ZNF217: variants seen among roughly 807,000 people sequenced by gnomAD.
The protein encoded by ZNF217 is zinc finger protein 217.
A neutral mutation model predicts 73.3 loss-of-function variants in ZNF217; 12 were observed. That is an observed-to-expected ratio of 0.16 (90% confidence interval 0.10 to 0.27). The LOEUF (loss-of-function observed/expected upper bound fraction) is 0.27, where lower values mean the gene tolerates loss of function less well. Ranked by LOEUF, ZNF217 falls within the 10% of genes least tolerant of loss-of-function variation. ZNF217 has a pLI of 1.00. For missense variants in ZNF217, 1,195 were observed against 1,327.8 expected, an observed-to-expected ratio of 0.90 and a Z score of 1.55; for synonymous variants, 588 against 516.4, an observed-to-expected ratio of 1.14 and a Z score of -1.88.
At chr20:53,596,109 C>G (rs1274534582), upstream of ZNF217, among the ~76,000 whole-genome samples, 1 of 152,084 alleles carries the variant, frequency 6.6e-6, no homozygotes, top group African/African-American at 2.4e-5. Context: ...ATTCCTGGCT[C>G]TCAGACCTTG....
At chr20:53,580,578 C>T (rs1004381500) in intron 2 of ZNF217, among the ~76,000 whole-genome samples, 1 of 152,180 alleles carries the variant, frequency 6.6e-6, no homozygotes, top group African/African-American at 2.4e-5. Flanking sequence ...TAGATAACGC[C>T]CACCAGGGCT....
rs1407846320 is a variant in ZNF217, at chr20:53,582,706, T to C, written c.121A>G (p.Lys41Glu). Reference protein sequence around the residue: ...PMEMEDALSMKGTAVVPFRAT... With the variant: ...PMEMEDALSMEGTAVVPFRAT... ...CGGAATGGAACAACAGCGGTCCCTT[T>C]CATTGACAAGGCATCCTCCATCTCC... Residue 41 changes from lysine to glutamate, a missense_variant, in exon 2 of 6, where the codon AAA becomes GAA. This residue lies in a region of ZNF217 where 147 missense variants were observed against 184.3 expected (regional missense o/e 0.80). Coordinates refer to ENST00000371471, the MANE Select transcript of ZNF217 (RefSeq NM_006526.3). This position sits in a 1 kb window ranked among gnomAD's most constrained non-coding sequence, Gnocchi z 4.8. 1.2e-6 allele frequency: 2 copies of C among 1,614,156 alleles called. No homozygotes were observed. Among genetic ancestry groups the C allele is most frequent in the Non-Finnish European group, 1.7e-6 (2 of 1,180,028 alleles).
intron 1 of ZNF217, among the ~76,000 whole-genome samples, chr20:53,591,708 C>T (rs1988883108): frequency 1.3e-5 from 2 of 152,178 alleles, no homozygotes; most frequent in African/African-American, 4.8e-5. Flanking sequence ...TAAGTAAGCA[C>T]AAACTAGTGG....
At chr20:53,569,392 T>G (rs918715851) in intron 5 of ZNF217, 128 bp from the exon 6 acceptor site, 2 of 684,916 alleles carry the variant, frequency 2.9e-6, no homozygotes, top group East Asian at 7.9e-5. Context: ...CTATTTGTTG[T>G]TGTTGTTTTT....
chr20:53,576,505 A>G lies in ZNF217; in HGVS notation c.2259T>C (p.Arg753=). The G allele has an allele frequency of 6.2e-7, 1 of 1,614,256 alleles. No individual in the cohort carries two copies. The highest frequency in any genetic ancestry group is 8.5e-7 in the Non-Finnish European group (1 of 1,180,046). ...CCAGCAACGCTGGCGGGCATCCGGT[A>G]CGTCGACTTCTAAGCAAGGACTTGT... ...CRNKSLLRSR[R]TGCPPALLGK... Residue 753 remains arginine (R), a synonymous_variant, in exon 4 of 6, where the codon CGT becomes CGC. Coordinates refer to ENST00000371471, the MANE Select transcript of ZNF217 (RefSeq NM_006526.3).
chr20:53,577,033 C>T lies in ZNF217; in HGVS notation c.1731G>A (p.Lys577=). Residue 577 remains lysine, a synonymous_variant, in exon 4 of 6, where the codon AAG becomes AAA. Transcript: ENST00000371471. ...VTGSPPAKQL[K]EMPSVFQNVL... is the part of the protein sequence containing the mutation. ...CATTCTGAAAAACAGAAGGCATCTC[C>T]TTAAGCTGCTTTGCAGGTGGACTGC... is the stretch of plus-strand genomic sequence containing the variant. The T allele has an allele frequency of 6.2e-7, 1 of 1,614,252 alleles. No individual in the cohort carries two copies. The highest frequency in any genetic ancestry group is 1.3e-5 in the African/African-American group (1 of 75,060).
At chr20:53,571,992 G>T in intron 4 of ZNF217, 139 bp from the exon 5 acceptor site, 1 of 806,390 alleles carries the variant, frequency 1.2e-6, no homozygotes, top group East Asian at 3.1e-5. Context: ...GCATGCAAGT[G>T]TTTTCAGTTA....
At chr20:53,580,697 A>C (rs752117078) in intron 2 of ZNF217, among the ~76,000 whole-genome samples, 2 of 152,194 alleles carry the variant, frequency 1.3e-5, no homozygotes, top group African/African-American at 2.4e-5. Flanking sequence ...AAATGTCTTC[A>C]GTGTGCTCAC....
intron 1 of ZNF217, among the ~76,000 whole-genome samples, chr20:53,593,404 C>T (rs996183351): frequency 6.6e-6 from 1 of 152,036 alleles, no homozygotes; most frequent in African/African-American, 2.4e-5. Flanking sequence ...CCCCGCGGGG[C>T]GACCCAACTT....
chr20:53,577,821 C>T (rs780101151), intron 3 of ZNF217, among the ~76,000 whole-genome samples: 19 of 152,328 alleles, frequency 1.2e-4, no homozygotes, highest in African/African-American at 3.6e-4. Context: ...TTTGTCCGGG[C>T]GCGGTGGCTC....
chr20:53,595,864 A>G (rs1989032899), upstream of ZNF217, among the ~76,000 whole-genome samples: 2 of 152,254 alleles, frequency 1.3e-5, no homozygotes, highest in Admixed American at 6.5e-5. Flanking sequence ...GCCTTGCTAC[A>G]CAACAAAGAA....
chr20:53,576,165 C>T lies in ZNF217; in HGVS notation c.2599G>A (p.Ala867Thr). ...CTGCCGAGGGTGGGCTGAGAAGGAG[C>T]TACTGGAAGAGGTTTCAATTTTGTC... ...PETKLKPLPVAPSQPTLGSSN... is the reference protein window; with the variant it reads ...PETKLKPLPVTPSQPTLGSSN... The change falls in exon 4 of 6, where the codon GCT becomes ACT. Residue 867 changes from alanine (A) to threonine (T), a missense_variant. By Grantham distance (58) the Ala-to-Thr change is moderately conservative. Coordinates refer to ENST00000371471, the MANE Select transcript of ZNF217 (RefSeq NM_006526.3). 6.2e-7 allele frequency: 1 copy of T among 1,614,192 alleles called. No individual in the cohort carries two copies. Among genetic ancestry groups the T allele is most frequent in the Non-Finnish European group, 8.5e-7 (1 of 1,180,042 alleles).
chr20:53,574,245 G>C (rs1360898650), intron 4 of ZNF217: 1 of 152,142 alleles, frequency 6.6e-6, no homozygotes, highest in Non-Finnish European at 1.5e-5. Flanking sequence ...TCCCGCAGTT[G>C]GTTGAATCCA....
chr20:53,576,556 A>C lies in ZNF217; in HGVS notation c.2208T>G (p.Asn736Lys). 6.2e-7 allele frequency: 1 copy of C among 1,614,214 alleles called. No individual in the cohort carries two copies. The highest frequency in any genetic ancestry group is 8.5e-7 in the Non-Finnish European group (1 of 1,180,044). Reference protein sequence around the residue: ...MMHQRLEHKYNPDVHKNCRNK... With the variant: ...MMHQRLEHKYKPDVHKNCRNK... ...TTCGACAGTTTTTATGAACGTCAGG[A>C]TTGTATTTATGCTCCAGTCTCTGGT... Residue 736 changes from asparagine to lysine, a missense_variant, in exon 4 of 6, where the codon AAT becomes AAG. Coordinates refer to ENST00000371471, the MANE Select transcript of ZNF217 (RefSeq NM_006526.3).
chr20:53,581,462 C>G lies in ZNF217; in HGVS notation c.1365G>C (p.Leu455=). ...SEDGLPEGIH[L]DKNDDGGKIK... ...CGGGACGGAGACAGGGCAGCTTACC[C>G]AGATGGATTCCTTCGGGAAGCCCAT... The change falls in exon 2 of 6, where the codon CTG becomes CTC. Residue 455 remains leucine (L), a splice_region_variant and synonymous_variant. Coordinates refer to ENST00000371471, the MANE Select transcript of ZNF217 (RefSeq NM_006526.3). This position sits in a 1 kb window ranked among gnomAD's most constrained non-coding sequence, Gnocchi z 4.9. 3 of 1,605,086 alleles carry G rather than the reference C, an allele frequency of 1.9e-6. No homozygotes were observed. The highest frequency in any genetic ancestry group is 2.6e-6 in the Non-Finnish European group (3 of 1,173,902).
At chr20:53,570,361 G>A (rs1359649894) in intron 5 of ZNF217, 1 of 153,084 alleles carries the variant, frequency 6.5e-6, no homozygotes, top group Non-Finnish European at 1.5e-5. Flanking sequence ...AAATATGACA[G>A]AGAAATTCTG....
At position 53,575,831 on chromosome 20, in the gene ZNF217, A is replaced by G. The variant is rs748356692; in HGVS notation, c.2933T>C (p.Val978Ala). The change falls in exon 4 of 6, where the codon GTC becomes GCC. Residue 978 changes from valine (V) to alanine (A), a missense_variant. Val to Ala is a moderately conservative substitution (Grantham distance 64). Transcript: ENST00000371471. ...PKPRFLSSSE[V>A]DSPNVLTVQK... ...AACAGTCAGCACATTTGGAGAATCG[A>G]CCTCGCTGGAGCTCAGGAACCTTGG... The G allele has an allele frequency of 1.2e-6, 2 of 1,614,112 alleles. No individual in the cohort carries two copies. Among genetic ancestry groups the G allele is most frequent in the South Asian group, 2.2e-5 (2 of 91,076 alleles).
chr20:53,569,412 T>A, intron 5 of ZNF217, 148 bp from the exon 6 acceptor site: 1 of 590,510 alleles, frequency 1.7e-6, no homozygotes, highest in Non-Finnish European at 2.5e-6. Context: ...TGAGACAGTC[T>A]CACTCTGTCG....
In ZNF217 at chr20:53,576,109, G is replaced by A. The variant is rs35736239; in HGVS notation, c.2655C>T (p.Pro885=). 103 of 1,614,076 alleles carry A rather than the reference G, an allele frequency of 6.4e-5. No homozygotes were observed. The East Asian group carries it at 1.2e-3, about 18-fold the overall frequency. The change falls in exon 4 of 6, where the codon CCC becomes CCT. Residue 885 remains proline, a synonymous_variant. Transcript: ENST00000371471. ...SSNINGSIDY[P]AKNDSPWAPP... ...GTGCCCACGGGCTGTCGTTCTTGGCGGGGTAGTCGATGGAACCATTGATGT... is the reference window on the plus strand; with the variant it reads ...GTGCCCACGGGCTGTCGTTCTTGGCAGGGTAGTCGATGGAACCATTGATGT...
Sources: allele counts gnomAD v4.1 joint callset (sites outside exome capture counted in the v4.1 genomes callset), GRCh38; gene constraint gnomAD v4.1.1; regional missense constraint gnomAD v4.1.1; non-coding constraint Gnocchi (gnomAD v3.1); transcripts MANE v1.5; gene names NCBI Gene and HGNC (gene_info 2026-07-23, HGNC 2026-07-21).